OR4Q3: variants seen among roughly 807,000 people sequenced by gnomAD.
The protein encoded by OR4Q3 is olfactory receptor 4Q3.
OR4Q3 carries 17 observed loss-of-function variants against 18.8 expected under a neutral mutation model. The observed-to-expected ratio is 0.91, with a 90% confidence interval of 0.62 to 1.36. The LOEUF (loss-of-function observed/expected upper bound fraction) is 1.36, where lower values mean the gene tolerates loss of function less well. Ranked by LOEUF, OR4Q3 falls within the 40% of genes most tolerant of loss-of-function variation. The pLI, the probability that OR4Q3 is intolerant of heterozygous loss-of-function variation, is 0.00. For synonymous variants in OR4Q3, 158 were observed against 145.8 expected, an observed-to-expected ratio of 1.08 and a Z score of -0.60; for missense variants, 378 against 373.4, an observed-to-expected ratio of 1.01 and a Z score of -0.10.
chr14:19,749,089 TG>T, exon 2 of OR4Q3: 2 of 152,378 alleles, frequency 1.3e-5, no homozygotes, highest in Non-Finnish European at 2.9e-5. Context: ...GGAATTACAG[TG>T]GGGGTGAATA....
chr14:19,746,555 C>T, intron 1 of OR4Q3, among the ~76,000 whole-genome samples: 2 of 152,096 alleles, frequency 1.3e-5, no homozygotes, highest in Non-Finnish European at 2.9e-5. Context: ...TTGGTCTCTT[C>T]TCTTGGTGAT....
chr14:19,747,289 C>T, intron 1 of OR4Q3, 117 bp from the exon 2 acceptor site: 51,680 of 445,750 alleles, frequency 0.12, 1,433 homozygotes, highest in South Asian at 0.2. Flanking sequence ...CTATATTACC[C>T]GATAAAACTT....
exon 2 of OR4Q3, chr14:19,748,677 T>G: frequency 3.2e-6 from 1 of 311,170 alleles, no homozygotes; most frequent in Non-Finnish European, 5.9e-6. Context: ...GTTCATTTAT[T>G]CAATTTTTTC....
chr14:19,748,707 A>G, exon 2 of OR4Q3: 6 of 247,016 alleles, frequency 2.4e-5, no homozygotes, highest in Admixed American at 1.5e-4. Context: ...ATCTATTCAA[A>G]TGAAAGAAGA....
At chr14:19,750,370 G>C, downstream of OR4Q3, among the ~76,000 whole-genome samples, 2 of 152,190 alleles carry the variant, frequency 1.3e-5, no homozygotes, top group African/African-American at 4.8e-5. Context: ...TTATATTTAA[G>C]ATTATCCATC....
intron 1 of OR4Q3, among the ~76,000 whole-genome samples, chr14:19,745,959 A>C: frequency 6.6e-6 from 1 of 152,184 alleles, no homozygotes; most frequent in African/African-American, 2.4e-5. Context: ...ATGGTGTGAC[A>C]GAGGCATCCA....
chr14:19,745,551 C>CT, intron 1 of OR4Q3, among the ~76,000 whole-genome samples: 1 of 152,026 alleles, frequency 6.6e-6, no homozygotes, highest in Non-Finnish European at 1.5e-5. Context: ...TTCTAGAAAC[C>CT]TTTTTTAATT....
exon 2 of OR4Q3, chr14:19,747,549 G>A: frequency 1.2e-6 from 2 of 1,613,522 alleles, no homozygotes; most frequent in Non-Finnish European, 1.7e-6. Flanking sequence ...ATTGTCCTGG[G>A]AAACCTCTTG....
At chr14:19,744,716 T>C (rs1459879633) in intron 1 of OR4Q3, among the ~76,000 whole-genome samples, 1 of 152,204 alleles carries the variant, frequency 6.6e-6, no homozygotes, top group Non-Finnish European at 1.5e-5. Flanking sequence ...CTTGATAAGG[T>C]CTCATCTTAC....
exon 2 of OR4Q3, chr14:19,747,551 A>T: frequency 6.2e-7 from 1 of 1,613,612 alleles, no homozygotes; most frequent in African/African-American, 1.3e-5. Context: ...TGTCCTGGGA[A>T]ACCTCTTGAT....
downstream of OR4Q3, among the ~76,000 whole-genome samples, chr14:19,749,622 A>G: frequency 8.1e-5 from 12 of 148,972 alleles, no homozygotes; most frequent in Middle Eastern, 3.4e-3. Flanking sequence ...AAAAAAAAAA[A>G]AAAAAAAAAA....
At chr14:19,746,293 G>C in intron 1 of OR4Q3, among the ~76,000 whole-genome samples, 1 of 152,124 alleles carries the variant, frequency 6.6e-6, no homozygotes, top group Admixed American at 6.6e-5. Context: ...TTCAATGGAA[G>C]AAATGTATCA....
At chr14:19,747,634 C>T in exon 2 of OR4Q3, 1 of 1,614,014 alleles carries the variant, frequency 6.2e-7, no homozygotes. Flanking sequence ...ATCTCTCTTT[C>T]ATTGACCTAT....
At chr14:19,747,313 T>C in intron 1 of OR4Q3, 93 bp from the exon 2 acceptor site, 2 of 554,134 alleles carry the variant, frequency 3.6e-6, no homozygotes, top group Non-Finnish European at 5.5e-6. Flanking sequence ...AAAATAATTT[T>C]TATGTAATTT....
At chr14:19,749,796 CTCTCTCTT>C, downstream of OR4Q3, among the ~76,000 whole-genome samples, 2 of 79,242 alleles carry the variant, frequency 2.5e-5, no homozygotes, top group Non-Finnish European at 6.2e-5. Flanking sequence ...TTCTTTCTTT[CTCTCTCTT>C]TCTCTCTATT....
At chr14:19,745,895 TAG>T in intron 1 of OR4Q3, among the ~76,000 whole-genome samples, 4 of 152,144 alleles carry the variant, frequency 2.6e-5, no homozygotes, top group Non-Finnish European at 5.9e-5. Flanking sequence ...ATTATAGATT[TAG>T]ATACACCTGT....
At chr14:19,745,078 A>G in intron 1 of OR4Q3, among the ~76,000 whole-genome samples, 1 of 152,182 alleles carries the variant, frequency 6.6e-6, no homozygotes, top group African/African-American at 2.4e-5. Context: ...TCCAGCCCTT[A>G]CCTTGATTAA....
At chr14:19,748,447 A>C in exon 2 of OR4Q3, 1 of 1,072,682 alleles carries the variant, frequency 9.3e-7, no homozygotes, top group Non-Finnish European at 1.3e-6. Context: ...ATGGGTAAAA[A>C]CCACTTTGAT....
At chr14:19,746,429 A>G in intron 1 of OR4Q3, among the ~76,000 whole-genome samples, 1 of 152,232 alleles carries the variant, frequency 6.6e-6, no homozygotes, top group Non-Finnish European at 1.5e-5. Flanking sequence ...TTTCTTATGT[A>G]TCTATGGTTG....
Sources: gnomAD v4.1 joint callset for allele counts (sites outside exome capture counted in the v4.1 genomes callset) on GRCh38, gnomAD v4.1.1 for gene constraint, MANE v1.5 for transcripts, NCBI Gene and HGNC (gene_info 2026-07-23, HGNC 2026-07-21) for gene names.